TMEM232: variants seen among roughly 807,000 people sequenced by gnomAD.
The protein encoded by TMEM232 is transmembrane protein 232.
Under a neutral mutation model 78.8 loss-of-function variants are expected in TMEM232, and 80 were observed. The observed-to-expected ratio is 1.01, with a 90% CI of 0.85 to 1.22. The LOEUF is 1.22. TMEM232 is among the 50% of genes most tolerant of loss of function. The probability of loss-of-function intolerance (pLI) is 0.00; values close to 1 mark genes in which losing one functional copy is unlikely to be tolerated. For missense variants in TMEM232, 881 were observed against 742.2 expected (o/e 1.19, Z -2.17); for synonymous variants, 297 against 254.3 (o/e 1.17, Z -1.60).
chr5:110,486,929 T>C (rs540502087), intron 12 of TMEM232, among the ~76,000 whole-genome samples: 4 of 152,218 alleles, frequency 2.6e-5, no homozygotes, highest in African/African-American at 9.6e-5. Context: ...TTCATAATGA[T>C]TCTACCCATT....
intron 12 of TMEM232, among the ~76,000 whole-genome samples, chr5:110,481,402 T>C (rs1488673804): frequency 1.3e-5 from 2 of 152,128 alleles, no homozygotes; most frequent in Non-Finnish European, 2.9e-5. Context: ...AACTTTGTCT[T>C]TGGGCAACAG....
chr5:110,680,703 T>A (rs1792632493), intron 1 of TMEM232, among the ~76,000 whole-genome samples: 1 of 152,006 alleles, frequency 6.6e-6, no homozygotes, highest in Admixed American at 6.6e-5. Context: ...TATGTCTTTT[T>A]TTGGAAAAAA....
intron 11 of TMEM232, among the ~76,000 whole-genome samples, chr5:110,565,481 A>T (rs143436631): frequency 0.032 from 4,791 of 152,050 alleles, 103 homozygotes; most frequent in African/African-American, 0.055. Flanking sequence ...GTCTCTTATG[A>T]GATTTTCACT....
chr5:110,392,255 G>A (rs1170551717), intron 3 of TMEM232, among the ~76,000 whole-genome samples: 1 of 152,172 alleles, frequency 6.6e-6, no homozygotes, highest in African/African-American at 2.4e-5. Flanking sequence ...TGGGAGGAAG[G>A]AGAAGAGTGA....
chr5:110,609,135 T>A (rs1158592951), intron 8 of TMEM232, among the ~76,000 whole-genome samples: 4 of 152,090 alleles, frequency 2.6e-5, no homozygotes, highest in Non-Finnish European at 5.9e-5. Flanking sequence ...AATTTTTAAA[T>A]GGAATTAAAA....
intron 2 of TMEM232, among the ~76,000 whole-genome samples, chr5:110,657,857 T>C (rs1009651024): frequency 2.6e-5 from 4 of 152,062 alleles, no homozygotes; most frequent in East Asian, 1.9e-4. Context: ...CTAATCAATA[T>C]ATAGAGAAAC....
intron 1 of TMEM232, among the ~76,000 whole-genome samples, chr5:110,683,048 A>G (rs1792948042): frequency 6.6e-6 from 1 of 152,190 alleles, no homozygotes; most frequent in African/African-American, 2.4e-5. Flanking sequence ...ATCTACAAAT[A>G]GGGATTATAT....
At chr5:110,605,425 A>AT (rs1781427891) in intron 9 of TMEM232, 67 bp from the exon 10 acceptor site, 1 of 1,447,122 alleles carries the variant, frequency 6.9e-7, no homozygotes, top group African/African-American at 1.4e-5. Flanking sequence ...TACACAGTGT[A>AT]CTTATAATAA....
chr5:110,524,311 AGAAG>A (rs201999237), intron 12 of TMEM232, among the ~76,000 whole-genome samples: 5,105 of 145,924 alleles, frequency 0.035, 380 homozygotes, highest in African/African-American at 0.13. Context: ...ATAAAAAGAA[AGAAG>A]GAAGGAAGGA....
At chr5:110,559,001 T>C (rs562194900) in intron 11 of TMEM232, among the ~76,000 whole-genome samples, 2 of 152,162 alleles carry the variant, frequency 1.3e-5, no homozygotes, top group Non-Finnish European at 2.9e-5. Context: ...TGTCCACTCT[T>C]AGATTTTCCA....
At chr5:110,393,352 A>G (rs1755271934) in intron 3 of TMEM232, among the ~76,000 whole-genome samples, 1 of 152,208 alleles carries the variant, frequency 6.6e-6, no homozygotes, top group South Asian at 2.1e-4. Flanking sequence ...GTGCATAAAC[A>G]TTAAATTGTC....
chr5:110,394,793 G>C (rs1321758030), intron 3 of TMEM232, among the ~76,000 whole-genome samples: 1 of 152,082 alleles, frequency 6.6e-6, no homozygotes. Flanking sequence ...GTTTGCTAGA[G>C]GGCTTTTTCT....
chr5:110,408,258 A>C (rs1466069468), intron 2 of TMEM232, among the ~76,000 whole-genome samples: 1 of 152,104 alleles, frequency 6.6e-6, no homozygotes, highest in Non-Finnish European at 1.5e-5. Flanking sequence ...GGAAAATAAT[A>C]ATAAAGATCA....
chr5:110,420,687 T>C lies in TMEM232; in HGVS notation c.1867A>G (p.Lys623Glu). ...TGAAAGTGATTTTTCTCTGCTAACT[T>C]TTTATCTTTAAGTTCTTGGGCCTTG... The part of the protein sequence containing the change: ...ICKAQELKDK[K>E]LAEKNHFQEV... The change falls in exon 14 of 14, where the codon AAG becomes GAG. Residue 623 changes from lysine (K) to glutamate (E), a missense_variant. Transcript: ENST00000455884. 6.5e-7 allele frequency: 1 copy of C among 1,527,110 alleles called. No individual in the cohort carries two copies. Among genetic ancestry groups the C allele is most frequent in the Non-Finnish European group, 8.7e-7 (1 of 1,144,198 alleles). The allele number at this position is 1,527,110 out of a possible 1,614,324, so 94.6% of individuals were successfully genotyped here. A position where few individuals can be genotyped will look rare whatever the true frequency, so the allele number is the denominator to read the frequency against.
chr5:110,597,762 G>A (rs1780354691), intron 10 of TMEM232, among the ~76,000 whole-genome samples: 1 of 152,008 alleles, frequency 6.6e-6, no homozygotes, highest in Non-Finnish European at 1.5e-5. Flanking sequence ...AAGCAATGGG[G>A]AAAGGATTCC....
intron 12 of TMEM232, among the ~76,000 whole-genome samples, chr5:110,458,484 C>A (rs1021699624): frequency 2.0e-5 from 3 of 152,160 alleles, no homozygotes; most frequent in Non-Finnish European, 4.4e-5. Flanking sequence ...TAGGCCCTGG[C>A]AGCATGAATA....
chr5:110,562,064 A>G (rs1024307989), intron 11 of TMEM232, among the ~76,000 whole-genome samples: 5 of 152,116 alleles, frequency 3.3e-5, no homozygotes, highest in African/African-American at 7.2e-5. Flanking sequence ...CTCTAACAAC[A>G]TACCATGAGT....
In TMEM232 at chr5:110,509,051, T is replaced by C. The variant is rs540342561; in HGVS notation, c.1703+19537A>G. Among the ~76,000 whole-genome samples the C allele has an allele frequency of 1.8e-3, 259 of 146,702 alleles. 2 individuals are homozygous for C. The highest frequency in any genetic ancestry group is 6.1e-3 in the African/African-American group (247 of 40,318). ...ATATATACACACACATATATGTGTATATATGTATATATAATTATATATATT... is the reference window on the plus strand; with the variant it reads ...ATATATACACACACATATATGTGTACATATGTATATATAATTATATATATT... On this transcript the variant is annotated intron_variant, in intron 12 of 13. Coordinates refer to ENST00000455884, the MANE Select transcript of TMEM232 (RefSeq NM_001039763.4).
chr5:110,627,759 G>A (rs1175695440), intron 6 of TMEM232, 22 bp downstream of exon 6: 5 of 1,382,808 alleles, frequency 3.6e-6, no homozygotes, highest in South Asian at 2.8e-5. Context: ...ATTTATAAGT[G>A]TAAAAATAAA....
Sources: allele counts gnomAD v4.1 joint callset (sites outside exome capture counted in the v4.1 genomes callset), GRCh38; gene constraint gnomAD v4.1.1; transcripts MANE v1.5; gene names NCBI Gene and HGNC (gene_info 2026-07-23, HGNC 2026-07-21).